METTL15: variants seen among roughly 807,000 people sequenced by gnomAD.
METTL15 encodes methyltransferase 15, mitochondrial 12S rRNA N4-cytidine, also known as 12S rRNA N(4)-cytidine methyltransferase METTL15.
Under a neutral mutation model 38.3 loss-of-function variants are expected in METTL15, and 34 were observed. The observed-to-expected ratio is 0.89, with a 90% CI of 0.68 to 1.18. The LOEUF (loss-of-function observed/expected upper bound fraction) is 1.18. Ranked by LOEUF, METTL15 falls within the 50% of genes most tolerant of loss-of-function variation. The pLI is 0.00. For synonymous variants in METTL15, 162 were observed against 170.9 expected (o/e 0.95, Z 0.41); for missense variants, 438 against 498.4 (o/e 0.88, Z 1.15).
intron 3 of METTL15, chr11:28,125,575 A>G (rs1156387271): frequency 6.6e-6 from 1 of 152,088 alleles, no homozygotes; most frequent in Non-Finnish European, 1.5e-5. Flanking sequence ...ATGATTACAT[A>G]TGGAAAAAAA....
At chr11:28,387,918 A>G (rs906062597) in intron 5 of METTL15, among the ~76,000 whole-genome samples, 2 of 152,172 alleles carry the variant, frequency 1.3e-5, no homozygotes, top group African/African-American at 4.8e-5. Flanking sequence ...TCAGTGTAAC[A>G]TACTGCATTA....
intron 3 of METTL15, among the ~76,000 whole-genome samples, chr11:28,121,173 A>C (rs1029326415): frequency 6.6e-6 from 1 of 152,132 alleles, no homozygotes; most frequent in East Asian, 1.9e-4. Flanking sequence ...AGTGTATTAC[A>C]TTGTATTATA....
At position 28,251,689 on chromosome 11, in the gene METTL15, T is replaced by G. The variant is rs1483598742; in HGVS notation, c.408-38517T>G. Among the ~76,000 whole-genome samples, 3 of 152,036 alleles carry G rather than the reference T, an allele frequency of 2.0e-5. No individual in the cohort carries two copies. In the East Asian group the frequency reaches 5.8e-4, roughly 29 times the overall value. On this transcript the variant is annotated intron_variant, in intron 4 of 6. Transcript: ENST00000407364. ...GCTTCCATAACTCTCTGAATTTTTC[T>G]TCCATTCTACCTTAGCCATCTACTC...
At chr11:28,156,884 A>G (rs1850283113) in intron 3 of METTL15, among the ~76,000 whole-genome samples, 1 of 152,226 alleles carries the variant, frequency 6.6e-6, no homozygotes, top group Non-Finnish European at 1.5e-5. Flanking sequence ...AAAGGCACAG[A>G]AAAATATCTT....
At chr11:28,172,130 T>G (rs970865314) in intron 3 of METTL15, among the ~76,000 whole-genome samples, 1 of 152,150 alleles carries the variant, frequency 6.6e-6, no homozygotes, top group Admixed American at 6.6e-5. Flanking sequence ...TCTACCATAA[T>G]CAGACAAATT....
At chr11:28,484,612 G>C (rs1851423018) in intron 6 of METTL15, among the ~76,000 whole-genome samples, 2 of 152,004 alleles carry the variant, frequency 1.3e-5, no homozygotes, top group South Asian at 4.2e-4. Context: ...CATCATAGCT[G>C]TATCTCCCCA....
intron 4 of METTL15, among the ~76,000 whole-genome samples, chr11:28,264,855 T>C (rs1855348432): frequency 6.6e-6 from 1 of 152,146 alleles, no homozygotes. Flanking sequence ...TGATCAGAGA[T>C]CTTTTGTAAT....
In METTL15 at chr11:28,190,716, G is replaced by A. The variant is rs1287178518; in HGVS notation, c.271-20346G>A. ...AATAATTTTCTACTGAATTAGGAATGTATCGAAACATAGGTAAATTATAAT... is the reference window on the plus strand; with the variant it reads ...AATAATTTTCTACTGAATTAGGAATATATCGAAACATAGGTAAATTATAAT... On this transcript the variant is annotated intron_variant, in intron 3 of 6. Transcript: ENST00000407364. 2.0e-5 allele frequency among the ~76,000 whole-genome samples: 3 copies of A among 151,312 alleles called. No homozygotes were observed. The East Asian group carries it at 5.8e-4, about 29-fold the overall frequency.
intron 4 of METTL15, among the ~76,000 whole-genome samples, chr11:28,276,472 C>G (rs991441352): frequency 2.0e-5 from 3 of 152,142 alleles, no homozygotes; most frequent in Admixed American, 2.0e-4. Context: ...ATCCCATGCT[C>G]ATGGATCTGA....
intron 3 of METTL15, among the ~76,000 whole-genome samples, chr11:28,340,634 G>T (rs188877000): frequency 6.6e-6 from 1 of 152,094 alleles, no homozygotes; most frequent in Non-Finnish European, 1.5e-5. Context: ...ACCATCTCAC[G>T]CCAGCTAGAA....
At chr11:28,185,799 C>T (rs1174776836) in intron 3 of METTL15, among the ~76,000 whole-genome samples, 8 of 150,360 alleles carry the variant, frequency 5.3e-5, no homozygotes, top group East Asian at 1.9e-4. Context: ...AGGTCTTGTT[C>T]GCAGCCTTGA....
chr11:28,248,323 A>G (rs905617646), intron 4 of METTL15, among the ~76,000 whole-genome samples: 1 of 152,062 alleles, frequency 6.6e-6, no homozygotes, highest in African/African-American at 2.4e-5. Flanking sequence ...TTCTGCCTGT[A>G]TACTTCCTAG....
At chr11:28,455,241 T>C (rs1029323577) in intron 6 of METTL15, among the ~76,000 whole-genome samples, 1 of 123,030 alleles carries the variant, frequency 8.1e-6, no homozygotes, top group Non-Finnish European at 1.8e-5. Flanking sequence ...TTTTTTTTTT[T>C]CAGTGAAGCA....
chr11:28,186,636 T>C (rs1230004139), intron 3 of METTL15, among the ~76,000 whole-genome samples: 2 of 151,074 alleles, frequency 1.3e-5, no homozygotes. Flanking sequence ...AAGGTTAAAG[T>C]GAGAAGGAAG....
chr11:28,116,964 TG>T (rs1184606401), intron 3 of METTL15, among the ~76,000 whole-genome samples: 2 of 151,996 alleles, frequency 1.3e-5, no homozygotes, highest in African/African-American at 4.8e-5. Context: ...TGAATTTACG[TG>T]TATAAAGTAT....
intron 5 of METTL15, among the ~76,000 whole-genome samples, chr11:28,397,458 T>C (rs1307336274): frequency 1.3e-5 from 2 of 152,134 alleles, no homozygotes; most frequent in African/African-American, 4.8e-5. Context: ...CAAAAGAAGA[T>C]ATTTATGCAG....
At chr11:28,172,706 C>T (rs944776127) in intron 3 of METTL15, among the ~76,000 whole-genome samples, 4 of 152,128 alleles carry the variant, frequency 2.6e-5, no homozygotes, top group Admixed American at 6.5e-5. Context: ...TCAGACATTG[C>T]GTTAGGTACT....
intron 6 of METTL15, among the ~76,000 whole-genome samples, chr11:28,478,803 G>A (rs1398201388): frequency 6.6e-6 from 1 of 152,116 alleles, no homozygotes. Context: ...GTTTTTGGGA[G>A]GTTCCAAGGG....
intron 4 of METTL15, among the ~76,000 whole-genome samples, chr11:28,227,205 G>T (rs1474935139): frequency 6.6e-6 from 1 of 151,710 alleles, no homozygotes; most frequent in Non-Finnish European, 1.5e-5. Context: ...CTACTTTTCA[G>T]GCAATCTACT....
Sources: allele counts gnomAD v4.1 joint callset (sites outside exome capture counted in the v4.1 genomes callset), GRCh38; gene constraint gnomAD v4.1.1; transcripts MANE v1.5; gene names NCBI Gene and HGNC (gene_info 2026-07-23, HGNC 2026-07-21).